Variants in CDH17 observed in about 807,000 individuals in gnomAD.
The protein encoded by CDH17 is cadherin-17.
Under a neutral mutation model 86.3 loss-of-function variants are expected in CDH17, and 67 were observed. That is an observed-to-expected ratio of 0.78 (90% CI 0.64 to 0.95). The LOEUF (loss-of-function observed/expected upper bound fraction) is 0.95, where lower values mean the gene tolerates loss of function less well. CDH17 is among the 40% of genes least tolerant of loss of function. The pLI is 0.00. For missense variants in CDH17, 993 were observed against 1,017.6 expected, an observed-to-expected ratio of 0.98 and a Z score of 0.33; for synonymous variants, 367 against 366.4, an observed-to-expected ratio of 1.00 and a Z score of -0.02.
intron 12 of CDH17, among the ~76,000 whole-genome samples, chr8:94,158,310 G>T (rs1469441263): frequency 1.3e-5 from 2 of 152,124 alleles, no homozygotes; most frequent in African/African-American, 2.4e-5. Flanking sequence ...CTCTACTGTA[G>T]CATACCTCTC....
At chr8:94,205,348 G>A (rs1814005518) in intron 1 of CDH17, among the ~76,000 whole-genome samples, 2 of 152,188 alleles carry the variant, frequency 1.3e-5, no homozygotes, top group Non-Finnish European at 2.9e-5. Context: ...TGAGCATTTT[G>A]TCAAGATAAT....
intron 15 of CDH17, among the ~76,000 whole-genome samples, chr8:94,132,846 A>C (rs1257253662): frequency 6.6e-6 from 1 of 152,128 alleles, no homozygotes; most frequent in Non-Finnish European, 1.5e-5. Context: ...TTTTTGTGTA[A>C]GGTGTAAGGA....
At position 94,184,241 on chromosome 8, in the gene CDH17, G is replaced by A. The variant is rs76303358; in HGVS notation, c.150+4946C>T. On this transcript the variant is annotated intron_variant, in intron 3 of 17. Transcript: ENST00000027335. Reference sequence around the variant, plus strand: ...TGTGTTTGTGTGTGTGTGTGTCCAAGAGAATCAAAAACATGTCCTCATAAA... The same window carrying A: ...TGTGTTTGTGTGTGTGTGTGTCCAAAAGAATCAAAAACATGTCCTCATAAA... Among the ~76,000 whole-genome samples, 839 of 151,952 alleles carry A rather than the reference G, an allele frequency of 5.5e-3. 11 individuals are homozygous for A. Among genetic ancestry groups the A allele is most frequent in the African/African-American group, 0.019 (793 of 41,436 alleles).
At chr8:94,216,016 C>A (rs1349270754) in intron 1 of CDH17, among the ~76,000 whole-genome samples, 1 of 152,146 alleles carries the variant, frequency 6.6e-6, no homozygotes, top group African/African-American at 2.4e-5. Context: ...GGCCCCTCAG[C>A]CCCTCTGATA....
chr8:94,138,099 C>T (rs1360441754), intron 15 of CDH17, among the ~76,000 whole-genome samples: 1 of 151,924 alleles, frequency 6.6e-6, no homozygotes, highest in Non-Finnish European at 1.5e-5. Flanking sequence ...ATTGAGAGTA[C>T]AAAAACACTA....
chr8:94,181,791 G>A (rs532123334), intron 3 of CDH17, among the ~76,000 whole-genome samples: 1 of 151,442 alleles, frequency 6.6e-6, no homozygotes, highest in Admixed American at 6.6e-5. Context: ...AAAGATCAGA[G>A]TGGAAATTAA....
At chr8:94,183,783 T>C (rs1813526459) in intron 3 of CDH17, among the ~76,000 whole-genome samples, 1 of 150,768 alleles carries the variant, frequency 6.6e-6, no homozygotes, top group Non-Finnish European at 1.5e-5. Flanking sequence ...ACTTATAGAA[T>C]GTGAGAAAAT....
intron 1 of CDH17, among the ~76,000 whole-genome samples, chr8:94,214,194 T>G (rs879358775): frequency 1.3e-5 from 2 of 152,170 alleles, no homozygotes; most frequent in Non-Finnish European, 2.9e-5. Flanking sequence ...CTGGTGGTCA[T>G]CACCACTTAG....
At chr8:94,155,229 C>T (rs1812924031) in intron 12 of CDH17, among the ~76,000 whole-genome samples, 1 of 151,938 alleles carries the variant, frequency 6.6e-6, no homozygotes, top group Non-Finnish European at 1.5e-5. Flanking sequence ...TCACGTGGTC[C>T]ACGGTTCAAT....
At chr8:94,153,528 T>A (rs978541720) in intron 12 of CDH17, among the ~76,000 whole-genome samples, 1 of 152,128 alleles carries the variant, frequency 6.6e-6, no homozygotes, top group Non-Finnish European at 1.5e-5. Context: ...AGTCAGTATG[T>A]CAAAGAGATA....
At position 94,200,242 on chromosome 8, in the gene CDH17, G is replaced by A. The variant is rs76346783; in HGVS notation, c.-20-5537C>T. On this transcript the variant is annotated intron_variant, in intron 1 of 17. Transcript: ENST00000027335. The stretch of plus-strand genomic sequence containing the variant: ...GTGGGGTACCCTGGGTCGCAATGGT[G>A]CTGATGGGAAGCCATCCTTCATCAC... 2.8e-3 allele frequency among the ~76,000 whole-genome samples: 429 copies of A among 152,262 alleles called. 1 individual carries two copies. Among genetic ancestry groups the A allele is most frequent in the African/African-American group, 9.7e-3 (404 of 41,554 alleles).
In CDH17 at chr8:94,170,483, T is replaced by C. The variant is rs139497492; in HGVS notation, c.980A>G (p.His327Arg). 25 of 1,613,752 alleles carry C rather than the reference T, an allele frequency of 1.5e-5. No individual in the cohort carries two copies. In the African/African-American group the frequency reaches 1.6e-4, roughly 10 times the overall value. Residue 327 changes from histidine (H) to arginine (R), a missense_variant, in exon 9 of 18, where the codon CAT becomes CGT. His to Arg is a conservative substitution (Grantham distance 29, BLOSUM62 0). Transcript: ENST00000027335. ...GKPLSYPLEIHVKVKDINDNP... is the reference protein window; with the variant it reads ...GKPLSYPLEIRVKVKDINDNP... ...ATCATTAATATCTTTAACTTTTACA[T>C]GAATTTCCAGCGGATATGAAAGTGG... is the stretch of plus-strand genomic sequence containing the variant.
intron 15 of CDH17, among the ~76,000 whole-genome samples, chr8:94,133,636 G>A (rs1470084840): frequency 6.6e-6 from 1 of 152,090 alleles, no homozygotes; most frequent in Non-Finnish European, 1.5e-5. Context: ...TTTCCTAATT[G>A]AATACCCTTT....
chr8:94,184,925 T>C (rs909034171), intron 3 of CDH17, among the ~76,000 whole-genome samples: 1 of 152,180 alleles, frequency 6.6e-6, no homozygotes, highest in Non-Finnish European at 1.5e-5. Context: ...GTGTTCTTCA[T>C]GCCTCTGTAG....
In CDH17 at chr8:94,146,007, GTGCTGATCATCATC is replaced by G. The variant is rs1446196618; in HGVS notation, c.2074_2087del (p.Asp692LeufsTer40). The G allele has an allele frequency of 6.2e-7, 1 of 1,613,754 alleles. No individual in the cohort carries two copies. Among genetic ancestry groups the G allele is most frequent in the Non-Finnish European group, 8.5e-7 (1 of 1,179,906 alleles). On this transcript the variant is annotated frameshift_variant, in exon 15 of 18. Transcript: ENST00000027335. LOFTEE classifies it high-confidence loss of function. ...ATGTAAAATGGGGACCCCGAAATAA[GTGCTGATCATCATC>G]AGTAGCCTCGAAAATGAGACTTCCA...
chr8:94,191,875 C>G (rs879182583), intron 2 of CDH17, among the ~76,000 whole-genome samples: 2 of 152,146 alleles, frequency 1.3e-5, no homozygotes, highest in African/African-American at 2.4e-5. Flanking sequence ...ACATCTTTTC[C>G]TGTTCCATCA....
At chr8:94,136,071 C>T (rs1812518232) in intron 15 of CDH17, among the ~76,000 whole-genome samples, 1 of 152,210 alleles carries the variant, frequency 6.6e-6, no homozygotes, top group Non-Finnish European at 1.5e-5. Flanking sequence ...ACCTTTCTCT[C>T]TGGCTGCCCT....
chr8:94,172,419 G>T (rs1037677382), intron 7 of CDH17, among the ~76,000 whole-genome samples: 1 of 150,704 alleles, frequency 6.6e-6, no homozygotes, highest in African/African-American at 2.4e-5. Context: ...GCCATTCCAG[G>T]GCCCCTTAAC....
At chr8:94,206,159 C>T (rs1814022224) in intron 1 of CDH17, among the ~76,000 whole-genome samples, 1 of 128,072 alleles carries the variant, frequency 7.8e-6, no homozygotes, top group Non-Finnish European at 1.9e-5. Context: ...TTACGTATTG[C>T]TTAAGTGAAA....
Sources: allele counts gnomAD v4.1 joint callset (sites outside exome capture counted in the v4.1 genomes callset), GRCh38; gene constraint gnomAD v4.1.1; transcripts MANE v1.5; gene names NCBI Gene and HGNC (gene_info 2026-07-23, HGNC 2026-07-21).